Variants in AKAP11 observed in about 807,000 individuals in gnomAD.
AKAP11 encodes the protein A-kinase anchoring protein 11.
In AKAP11, 36 loss-of-function variants were observed where a neutral mutation model predicts 146.1. The observed-to-expected ratio is 0.25, with a 90% confidence interval of 0.19 to 0.33. The LOEUF (loss-of-function observed/expected upper bound fraction) is 0.33, where lower values mean the gene tolerates loss of function less well. Among genes scored for constraint, AKAP11 ranks in the 10% least tolerant of loss-of-function variants. AKAP11 has a pLI of 1.00. For missense variants in AKAP11, 2,201 were observed against 2,197.0 expected (o/e 1.00, Z -0.04); for synonymous variants, 780 against 786.5 (o/e 0.99, Z 0.14).
intron 1 of AKAP11, among the ~76,000 whole-genome samples, chr13:42,275,944 A>C (rs1206796261): frequency 6.6e-6 from 1 of 152,178 alleles, no homozygotes; most frequent in Non-Finnish European, 1.5e-5. Context: ...AGAAGTCTAG[A>C]AGTCCAGTGC....
rs190486169 is a variant in AKAP11 at position 42,303,875 on chromosome 13, G to T, written c.5117+12G>T. 6.5e-7 allele frequency: 1 copy of T among 1,548,292 alleles called. No individual in the cohort carries two copies. Among genetic ancestry groups the T allele is most frequent in the Non-Finnish European group, 8.7e-7 (1 of 1,151,454 alleles). ...CATGCTGTTAGCAGGTAAGTTTCAC[G>T]TTTCTTTTGGTTGTTAATGATAAAT... On this transcript the variant is annotated intron_variant, in intron 8 of 12. Coordinates refer to ENST00000025301, the MANE Select transcript of AKAP11 (RefSeq NM_016248.4).
chr13:42,292,506 A>T lies in AKAP11; in HGVS notation c.168+5A>T. 1 of 1,525,050 alleles carries T rather than the reference A, an allele frequency of 6.6e-7. No individual in the cohort carries two copies. Among genetic ancestry groups the T allele is most frequent in the Non-Finnish European group, 9.0e-7 (1 of 1,112,390 alleles). 94.5% of individuals were successfully genotyped at this position (1,525,050 alleles called of 1,614,324 possible). A position where few individuals can be genotyped will look rare whatever the true frequency, so the allele number is the denominator to read the frequency against. ...GAGCATGCCAATTTAACTGAGGTTT[A>T]ACATACTACTTTCTAAACCCTTTCC... On this transcript the variant is annotated splice_donor_5th_base_variant and intron_variant, in intron 4 of 12. Transcript: ENST00000025301.
rs187835697 is a variant in AKAP11 at position 42,306,276 on chromosome 13, G to A, written c.5118-2178G>A. Among the ~76,000 whole-genome samples the A allele has an allele frequency of 1.7e-4, 26 of 152,228 alleles. No individual in the cohort carries two copies. The East Asian group carries it at 4.4e-3, about 26-fold the overall frequency. ...AATTTTCCTCATACAGGTTGCTTCA[G>A]GCTATTTTACTTTTTACTCCTCCTC... On this transcript the variant is annotated intron_variant, in intron 8 of 12. Coordinates refer to ENST00000025301, the MANE Select transcript of AKAP11 (RefSeq NM_016248.4).
intron 8 of AKAP11, among the ~76,000 whole-genome samples, chr13:42,304,229 T>A (rs1960135035): frequency 6.6e-6 from 1 of 152,216 alleles, no homozygotes; most frequent in African/African-American, 2.4e-5. Flanking sequence ...AATCTGAAAA[T>A]GTTAAATGGA....
chr13:42,295,790 C>G, intron 5 of AKAP11, 48 bp downstream of exon 5: 1 of 1,569,154 alleles, frequency 6.4e-7, no homozygotes, highest in Non-Finnish European at 8.7e-7. Flanking sequence ...TCATGGAAAT[C>G]AGCTTTAGGT....
chr13:42,286,519 T>G, intron 3 of AKAP11, 120 bp downstream of exon 3: 1 of 618,074 alleles, frequency 1.6e-6, no homozygotes, highest in South Asian at 3.0e-5. Context: ...ATTAGTAACA[T>G]TGAACTACTG....
intron 9 of AKAP11, among the ~76,000 whole-genome samples, chr13:42,311,606 A>T (rs1311536869): frequency 1.3e-5 from 2 of 151,950 alleles, no homozygotes; most frequent in African/African-American, 4.8e-5. Flanking sequence ...GTTTTTTTTT[A>T]ATGTTTATGT....
In AKAP11 at chr13:42,295,690, C is replaced by T; in HGVS notation, c.169-5C>T. The T allele has an allele frequency of 6.2e-7, 1 of 1,612,252 alleles. No individual in the cohort carries two copies. Among genetic ancestry groups the T allele is most frequent in the East Asian group, 2.2e-5 (1 of 44,812 alleles). ...TTAATGGAGGTTTATTTGTTCTTTACTCAGGTCACATTTCTGGGTTTTAAT... is the reference window on the plus strand; with the variant it reads ...TTAATGGAGGTTTATTTGTTCTTTATTCAGGTCACATTTCTGGGTTTTAAT... On this transcript the variant is annotated splice_polypyrimidine_tract_variant and splice_region_variant and intron_variant, in intron 4 of 12. Transcript: ENST00000025301.
At chr13:42,283,016 C>T (rs1203190915) in intron 1 of AKAP11, among the ~76,000 whole-genome samples, 2 of 152,096 alleles carry the variant, frequency 1.3e-5, no homozygotes, top group Non-Finnish European at 2.9e-5. Flanking sequence ...AAACGATGTG[C>T]TCTCTAATTA....
At chr13:42,304,877 A>G (rs1960171652) in intron 8 of AKAP11, among the ~76,000 whole-genome samples, 1 of 151,710 alleles carries the variant, frequency 6.6e-6, no homozygotes, top group South Asian at 2.1e-4. Flanking sequence ...CAGCCTCCCT[A>G]GTAGCTGGGA....
intron 1 of AKAP11, among the ~76,000 whole-genome samples, chr13:42,273,602 A>G (rs1383915482): frequency 6.6e-6 from 1 of 152,116 alleles, no homozygotes; most frequent in African/African-American, 2.4e-5. Context: ...CAATATTGAT[A>G]AGGGCCTAGC....
chr13:42,282,764 C>T (rs552532208), intron 1 of AKAP11, among the ~76,000 whole-genome samples: 4 of 152,218 alleles, frequency 2.6e-5, no homozygotes, highest in East Asian at 1.9e-4. Context: ...TGGTTCACTT[C>T]GTAGTTGTTT....
In AKAP11 at chr13:42,319,116, G is replaced by A; in HGVS notation, c.5594G>A (p.Trp1865Ter). 6.2e-7 allele frequency: 1 copy of A among 1,613,984 alleles called. No homozygotes were observed. Among genetic ancestry groups the A allele is most frequent in the Non-Finnish European group, 8.5e-7 (1 of 1,179,916 alleles). Residue 1865 changes from tryptophan (W) to a stop codon, truncating the protein, a stop_gained, in exon 13 of 13, where the codon TGG becomes TAG. Transcript: ENST00000025301. LOFTEE classifies it high-confidence loss of function. ...LLSKQLQEKG[W>*]KVGDLLQAVL... The stretch of plus-strand genomic sequence containing the variant: ...TCAAAACAATTACAAGAGAAAGGAT[G>A]GAAAGTGGGAGACCTCCTGCAGGCT...
In AKAP11 at chr13:42,317,561, C is replaced by T. The variant is rs529206918; in HGVS notation, c.5438C>T (p.Thr1813Met). The T allele has an allele frequency of 1.1e-5, 18 of 1,613,880 alleles. No individual in the cohort carries two copies. Among genetic ancestry groups the T allele is most frequent in the East Asian group, 6.7e-5 (3 of 44,886 alleles). ...CAAGATGGAAAGACACTGCTAATTA[C>T]GAATATTGACATGGAGCCATGCACG... ...LGQDGKTLLI[T>M]NIDMEPCTVD... Residue 1813 changes from threonine to methionine, a missense_variant, in exon 12 of 13, where the codon ACG becomes ATG. Thr to Met is a moderately conservative substitution (Grantham distance 81). Transcript: ENST00000025301.
intron 8 of AKAP11, among the ~76,000 whole-genome samples, chr13:42,307,039 C>T (rs1357790768): frequency 3.9e-5 from 6 of 152,050 alleles, no homozygotes; most frequent in Non-Finnish European, 5.9e-5. Context: ...TCATTCCGAG[C>T]CAAAATAACC....
intron 9 of AKAP11, among the ~76,000 whole-genome samples, chr13:42,311,094 TG>T (rs891676779): frequency 2.6e-5 from 4 of 152,172 alleles, no homozygotes; most frequent in African/African-American, 9.7e-5. Flanking sequence ...GGTTAAGGGA[TG>T]GGGCCAGATT....
At chr13:42,298,431 T>G (rs1268783385) in intron 6 of AKAP11, 102 bp from the exon 7 acceptor site, 3 of 1,249,844 alleles carry the variant, frequency 2.4e-6, no homozygotes, top group Non-Finnish European at 3.3e-6. Flanking sequence ...ATGAATTTCT[T>G]GTTTGTTTTT....
chr13:42,275,516 A>G (rs1773525082), intron 1 of AKAP11, among the ~76,000 whole-genome samples: 1 of 152,230 alleles, frequency 6.6e-6, no homozygotes. Context: ...CCATGCCAAC[A>G]TATTTAACAA....
chr13:42,299,639 T>A lies in AKAP11; in HGVS notation c.893T>A (p.Phe298Tyr). 1 of 1,613,872 alleles carries A rather than the reference T, an allele frequency of 6.2e-7. No individual in the cohort carries two copies. The highest frequency in any genetic ancestry group is 1.1e-5 in the South Asian group (1 of 91,068). Reference sequence around the variant, plus strand: ...AAAGATAGTGATTTACAGAAAACATTTTTTTCGTCTTCTCCTGCCTACTCA... The same window carrying A: ...AAAGATAGTGATTTACAGAAAACATATTTTTCGTCTTCTCCTGCCTACTCA... The part of the protein sequence containing the change: ...SDKDSDLQKT[F>Y]FSSSPAYSSE... Residue 298 changes from phenylalanine to tyrosine, a missense_variant, in exon 8 of 13, where the codon TTT becomes TAT. By Grantham distance (22) the Phe-to-Tyr change is conservative. This residue lies in a region of AKAP11 where 331 missense variants were observed against 347.4 expected (regional missense o/e 0.95). Coordinates refer to ENST00000025301, the MANE Select transcript of AKAP11 (RefSeq NM_016248.4).
Sources: allele counts gnomAD v4.1 joint callset (sites outside exome capture counted in the v4.1 genomes callset), GRCh38; gene constraint gnomAD v4.1.1; regional missense constraint gnomAD v4.1.1; transcripts MANE v1.5; gene names NCBI Gene and HGNC (gene_info 2026-07-23, HGNC 2026-07-21).